Variants in GPSM2 observed in about 807,000 individuals in gnomAD.
The protein encoded by GPSM2 is G protein-signaling modulator 2.
A neutral mutation model predicts 78.4 loss-of-function variants in GPSM2; 58 were observed. That is an observed-to-expected ratio of 0.74 (90% CI 0.60 to 0.92). The LOEUF (loss-of-function observed/expected upper bound fraction) is 0.92. GPSM2 is among the 40% of genes least tolerant of loss of function. The pLI, the probability that GPSM2 is intolerant of heterozygous loss-of-function variation, is 0.00. For synonymous variants in GPSM2, 224 were observed against 280.2 expected (o/e 0.80, Z 2.00); for missense variants, 700 against 815.5 (o/e 0.86, Z 1.73).
intron 10 of GPSM2, 116 bp downstream of exon 10, chr1:108,904,370 T>C (rs1649065008): frequency 1.8e-6 from 1 of 555,464 alleles, no homozygotes; most frequent in Non-Finnish European, 3.3e-6. Context: ...GTTCAACTTA[T>C]TACACTTTTT....
At chr1:108,910,042 T>C (rs1649604948) in intron 10 of GPSM2, 1 of 151,194 alleles carries the variant, frequency 6.6e-6, no homozygotes, top group Non-Finnish European at 1.5e-5. Flanking sequence ...ATTAAAACAG[T>C]GTTTTCTTTA....
At position 108,898,877 on chromosome 1, in the gene GPSM2, A is replaced by G; in HGVS notation, c.682-2A>G. 6.2e-7 allele frequency: 1 copy of G among 1,607,774 alleles called. No homozygotes were observed. Among genetic ancestry groups the G allele is most frequent in the South Asian group, 1.1e-5 (1 of 90,948 alleles). ...ACATCTAATTAAAATTGTTTGTTTC[A>G]GCGTCTCCTTATTGCAAAAGAATTT... On this transcript the variant is annotated splice_acceptor_variant, in intron 6 of 14. Transcript: ENST00000264126. LOFTEE classifies it high-confidence loss of function.
chr1:108,895,120 T>C (rs1002724219), intron 2 of GPSM2, among the ~76,000 whole-genome samples: 8 of 152,158 alleles, frequency 5.3e-5, no homozygotes. Flanking sequence ...TAGAATTACC[T>C]GGGGCTTTAA....
In GPSM2 at chr1:108,902,549, C is replaced by G. The variant is rs992139004; in HGVS notation, c.954-577C>G. On this transcript the variant is annotated intron_variant, in intron 8 of 14. Transcript: ENST00000264126. The stretch of plus-strand genomic sequence containing the variant: ...CATCTTCCTGTTTTTTAAAGAGAAG[C>G]TGGAAGTGCTGAGTTTTATATGAAA... 3.9e-5 allele frequency among the ~76,000 whole-genome samples: 6 copies of G among 152,114 alleles called. No homozygotes were observed. In the South Asian group the frequency reaches 8.3e-4, roughly 21 times the overall value.
intron 1 of GPSM2, among the ~76,000 whole-genome samples, chr1:108,883,433 T>G (rs144305454): frequency 6.6e-6 from 1 of 152,328 alleles, no homozygotes; most frequent in African/African-American, 2.4e-5. Context: ...AATGGAAGAA[T>G]TGCTCAAAGT....
At chr1:108,892,734 T>TA (rs1648060516) in intron 2 of GPSM2, among the ~76,000 whole-genome samples, 1 of 152,242 alleles carries the variant, frequency 6.6e-6, no homozygotes, top group Non-Finnish European at 1.5e-5. Context: ...CTTTCTCTGT[T>TA]ACTATTTAAT....
At chr1:108,902,379 C>CA (rs5776957) in intron 8 of GPSM2, among the ~76,000 whole-genome samples, 13,797 of 76,388 alleles carry the variant, frequency 0.18, 775 homozygotes, top group Middle Eastern at 0.24. Context: ...GACTGCATCT[C>CA]AAAAAAAAAA....
chr1:108,894,923 C>T (rs1216669946), intron 2 of GPSM2, among the ~76,000 whole-genome samples: 2 of 152,128 alleles, frequency 1.3e-5, no homozygotes, highest in Admixed American at 1.3e-4. Context: ...TTTACAATCC[C>T]ATTTTAATTT....
At chr1:108,884,240 C>A (rs984355660) in intron 1 of GPSM2, among the ~76,000 whole-genome samples, 5 of 152,126 alleles carry the variant, frequency 3.3e-5, no homozygotes, top group African/African-American at 1.2e-4. Context: ...TTGCACCTGG[C>A]CCTAACTAGT....
chr1:108,898,043 G>A lies in GPSM2; in HGVS notation c.499G>A (p.Val167Ile), dbSNP rs1167645259. The A allele has an allele frequency of 1.2e-6, 2 of 1,614,068 alleles. No individual in the cohort carries two copies. Among genetic ancestry groups the A allele is most frequent in the Non-Finnish European group, 1.7e-6 (2 of 1,179,896 alleles). ...KSFGCPGPQD[V>I]GEFPEEVRDA... ...TTTTGGTTGCCCTGGTCCCCAGGAT[G>A]TAGGAGAATTTCCAGAAGAAGTGAG... Residue 167 changes from valine (V) to isoleucine (I), a missense_variant, in exon 5 of 15, where the codon GTA (valine) becomes ATA (isoleucine). By Grantham distance (29) the Val-to-Ile change is conservative. Coordinates refer to ENST00000264126, the MANE Select transcript of GPSM2 (RefSeq NM_013296.5).
chr1:108,900,584 C>T (rs550574620), intron 7 of GPSM2, among the ~76,000 whole-genome samples: 1 of 152,232 alleles, frequency 6.6e-6, no homozygotes, highest in South Asian at 2.1e-4. Context: ...AATGTAGATC[C>T]ATATCCTTCC....
chr1:108,927,527 C>T (rs961230723), intron 14 of GPSM2, among the ~76,000 whole-genome samples: 2 of 152,070 alleles, frequency 1.3e-5, no homozygotes, highest in African/African-American at 4.8e-5. Context: ...GGTGCCAAGA[C>T]CATTCAGTGG....
chr1:108,913,072 G>T (rs1649890542), intron 10 of GPSM2, among the ~76,000 whole-genome samples: 1 of 152,086 alleles, frequency 6.6e-6, no homozygotes, highest in Non-Finnish European at 1.5e-5. Flanking sequence ...CAGGGTAATG[G>T]AAACTCTTGT....
intron 2 of GPSM2, among the ~76,000 whole-genome samples, chr1:108,887,775 G>T (rs1045577411): frequency 6.6e-6 from 1 of 152,206 alleles, no homozygotes; most frequent in Admixed American, 6.5e-5. Flanking sequence ...CCCCATCCGT[G>T]TGTGGAGCTC....
intron 2 of GPSM2, among the ~76,000 whole-genome samples, chr1:108,886,927 C>T (rs1387101960): frequency 2.0e-5 from 3 of 151,444 alleles, no homozygotes; most frequent in Non-Finnish European, 4.4e-5. Context: ...CACTCTGACG[C>T]CCAGGCTGGA....
intron 13 of GPSM2, 150 bp downstream of exon 13, chr1:108,922,726 A>G (rs1038883313): frequency 1.3e-6 from 1 of 781,032 alleles, no homozygotes; most frequent in Non-Finnish European, 2.2e-6. Context: ...TACAGTTCAA[A>G]CAAGGTTTTT....
At chr1:108,912,877 T>G (rs1421078465) in intron 10 of GPSM2, among the ~76,000 whole-genome samples, 1 of 109,926 alleles carries the variant, frequency 9.1e-6, no homozygotes, top group East Asian at 3.1e-4. Flanking sequence ...AAACCCTGTC[T>G]CTACTTTAAA....
intron 11 of GPSM2, among the ~76,000 whole-genome samples, chr1:108,917,629 TATATATATATATATATA>T (rs1650356775): frequency 6.2e-5 from 1 of 16,240 alleles, no homozygotes; most frequent in Admixed American, 4.8e-4. Flanking sequence ...TATATATATA[TATATATATATATATATA>T]TATATATATA....
At chr1:108,894,103 GA>G (rs1475539612) in intron 2 of GPSM2, among the ~76,000 whole-genome samples, 6 of 152,044 alleles carry the variant, frequency 3.9e-5, no homozygotes, top group Non-Finnish European at 1.5e-5. Flanking sequence ...TTTATACATA[GA>G]ATATGACAAT....
Sources: allele counts gnomAD v4.1 joint callset (sites outside exome capture counted in the v4.1 genomes callset), GRCh38; gene constraint gnomAD v4.1.1; transcripts MANE v1.5; gene names NCBI Gene and HGNC (gene_info 2026-07-23, HGNC 2026-07-21).